The following THSD7B variants were observed in gnomAD, a reference collection of about 807,000 sequenced individuals.
THSD7B encodes thrombospondin type-1 domain-containing protein 7B.
THSD7B carries 138 observed loss-of-function variants against 213.6 expected under a neutral mutation model. That is an observed-to-expected ratio of 0.65 (90% CI 0.56 to 0.74). The LOEUF is 0.74. Among genes scored for constraint, THSD7B ranks in the 30% least tolerant of loss-of-function variants. The pLI is 0.00. For synonymous variants in THSD7B, 742 were observed against 687.0 expected, an observed-to-expected ratio of 1.08 and a Z score of -1.25; for missense variants, 1,931 against 1,991.5, an observed-to-expected ratio of 0.97 and a Z score of 0.58.
At chr2:137,263,844 A>G (rs1460407093) in intron 10 of THSD7B, among the ~76,000 whole-genome samples, 2 of 152,188 alleles carry the variant, frequency 1.3e-5, no homozygotes, top group Non-Finnish European at 2.9e-5. Context: ...TCATAGTTCT[A>G]CTAGGGCATT....
intron 1 of THSD7B, among the ~76,000 whole-genome samples, chr2:136,796,979 A>ACCACACACACAC (rs1682077830): frequency 1.4e-5 from 1 of 73,452 alleles, no homozygotes; most frequent in Non-Finnish European, 2.9e-5. Context: ...ATCATATTTG[A>ACCACACACACAC]TCACACACAC....
intron 4 of THSD7B, among the ~76,000 whole-genome samples, chr2:137,110,432 C>T (rs1394503076): frequency 6.6e-6 from 1 of 152,132 alleles, no homozygotes; most frequent in Admixed American, 6.5e-5. Flanking sequence ...CTGAAATGTT[C>T]TTGTAGGAGT....
intron 1 of THSD7B, among the ~76,000 whole-genome samples, chr2:136,826,760 A>C (rs1443934864): frequency 1.3e-5 from 2 of 152,186 alleles, no homozygotes; most frequent in Non-Finnish European, 2.9e-5. Flanking sequence ...TCACAATAAG[A>C]GCTTCCTTGT....
intron 12 of THSD7B, among the ~76,000 whole-genome samples, chr2:137,317,972 A>AG (rs1684165727): frequency 6.6e-6 from 1 of 152,148 alleles, no homozygotes; most frequent in Non-Finnish European, 1.5e-5. Flanking sequence ...GTTTAGTTGC[A>AG]GCTATTCCTG....
At chr2:137,226,573 T>C (rs1392475491) in intron 7 of THSD7B, among the ~76,000 whole-genome samples, 2 of 151,824 alleles carry the variant, frequency 1.3e-5, no homozygotes, top group African/African-American at 4.8e-5. Flanking sequence ...TAAGAATCTT[T>C]GTCGTGTCCA....
intron 2 of THSD7B, among the ~76,000 whole-genome samples, chr2:137,029,447 T>A (rs1312434453): frequency 6.6e-6 from 1 of 152,142 alleles, no homozygotes; most frequent in African/African-American, 2.4e-5. Context: ...TGTTTTATAT[T>A]TAGATTATTT....
chr2:136,940,229 T>G lies in THSD7B; in HGVS notation c.139+57912T>G, dbSNP rs533359875. 3.3e-5 allele frequency among the ~76,000 whole-genome samples: 5 copies of G among 152,198 alleles called. No individual in the cohort carries two copies. In the East Asian group the frequency reaches 7.7e-4, roughly 24 times the overall value. On this transcript the variant is annotated intron_variant, in intron 2 of 27. Transcript: ENST00000409968. ...TATTATTCTTCACCCCAAGTCCATGTGTACACATTATTTAGCTCCTACTTA... is the reference window on the plus strand; with the variant it reads ...TATTATTCTTCACCCCAAGTCCATGGGTACACATTATTTAGCTCCTACTTA...
intron 15 of THSD7B, among the ~76,000 whole-genome samples, chr2:137,539,118 C>T (rs1437400195): frequency 6.6e-6 from 1 of 151,522 alleles, no homozygotes; most frequent in Non-Finnish European, 1.5e-5. Context: ...TTCTGTACAC[C>T]CCAATTCTTA....
At chr2:137,398,159 C>T (rs1391209691) in intron 12 of THSD7B, among the ~76,000 whole-genome samples, 1 of 150,166 alleles carries the variant, frequency 6.7e-6, no homozygotes, top group Non-Finnish European at 1.5e-5. Context: ...AGCCTTCTCT[C>T]AGCTCGTCAA....
intron 7 of THSD7B, among the ~76,000 whole-genome samples, chr2:137,178,874 G>A (rs987497759): frequency 1.3e-5 from 2 of 152,180 alleles, no homozygotes; most frequent in Non-Finnish European, 2.9e-5. Context: ...TTAGAAAGGG[G>A]CCTAAATAAA....
chr2:137,601,115 T>A (rs1682068779), intron 17 of THSD7B, among the ~76,000 whole-genome samples: 1 of 152,148 alleles, frequency 6.6e-6, no homozygotes, highest in Admixed American at 6.5e-5. Context: ...GTTAAAAAAA[T>A]TAAAAGTTTA....
intron 14 of THSD7B, among the ~76,000 whole-genome samples, chr2:137,438,104 C>T (rs1157239817): frequency 6.6e-6 from 1 of 152,142 alleles, no homozygotes; most frequent in East Asian, 1.9e-4. Context: ...TCCAGACCAT[C>T]TGATCTACAG....
At chr2:137,657,267 G>A (rs1399572219) in intron 24 of THSD7B, 107 bp downstream of exon 24, 2 of 1,015,356 alleles carry the variant, frequency 2.0e-6, no homozygotes, top group Non-Finnish European at 2.8e-6. Flanking sequence ...ACTTGGGCAG[G>A]TAGCTTAGAT....
chr2:137,010,100 CCTAGCACTGACAAAATGT>C (rs1157768447), intron 2 of THSD7B, among the ~76,000 whole-genome samples: 8 of 152,274 alleles, frequency 5.3e-5, no homozygotes, highest in African/African-American at 1.9e-4. Flanking sequence ...GCAGTTCTAG[CCTAGCACTGACAAAATGT>C]CATCTCACTG....
At chr2:137,110,029 A>T (rs990806254) in intron 4 of THSD7B, among the ~76,000 whole-genome samples, 1 of 152,082 alleles carries the variant, frequency 6.6e-6, no homozygotes, top group Non-Finnish European at 1.5e-5. Context: ...TGCCCAGAAC[A>T]CCACTTGCCC....
At chr2:137,123,731 G>A (rs1057107658) in intron 5 of THSD7B, among the ~76,000 whole-genome samples, 5 of 152,224 alleles carry the variant, frequency 3.3e-5, no homozygotes, top group South Asian at 4.1e-4. Context: ...AGCTGTAAAC[G>A]ACAACTTTTC....
At chr2:137,639,858 C>G (rs2104859996) in intron 20 of THSD7B, among the ~76,000 whole-genome samples, 1 of 152,248 alleles carries the variant, frequency 6.6e-6, no homozygotes, top group Middle Eastern at 3.4e-3. Flanking sequence ...TTTCCAATAC[C>G]TGTGCCGGTA....
intron 17 of THSD7B, among the ~76,000 whole-genome samples, chr2:137,596,601 G>A (rs1207290705): frequency 6.6e-6 from 1 of 151,954 alleles, no homozygotes; most frequent in Non-Finnish European, 1.5e-5. Flanking sequence ...TGCAAATTGA[G>A]TTAATGTGAG....
intron 2 of THSD7B, among the ~76,000 whole-genome samples, chr2:137,030,606 A>G (rs1323894387): frequency 1.3e-5 from 2 of 152,184 alleles, no homozygotes; most frequent in Admixed American, 1.3e-4. Flanking sequence ...AGTTCTTACA[A>G]AATGGTCTCT....
Sources: gnomAD v4.1 joint callset for allele counts (sites outside exome capture counted in the v4.1 genomes callset) on GRCh38, gnomAD v4.1.1 for gene constraint, MANE v1.5 for transcripts, NCBI Gene and HGNC (gene_info 2026-07-23, HGNC 2026-07-21) for gene names.